The following TENM3 variants were observed in gnomAD, a reference collection of about 807,000 sequenced individuals.
TENM3 encodes the protein teneurin-3.
Under a neutral mutation model 255.1 loss-of-function variants are expected in TENM3, and 63 were observed. That is an observed-to-expected ratio of 0.25 (90% CI 0.20 to 0.30). TENM3 has a LOEUF of 0.30. TENM3 is among the 10% of genes least tolerant of loss of function. The pLI is 1.00. For missense variants in TENM3, 2,929 were observed against 3,461.1 expected (o/e 0.85, Z 3.86); for synonymous variants, 1,306 against 1,322.3 (o/e 0.99, Z 0.27).
the TENM3 span, among the ~76,000 whole-genome samples, chr4:181,859,242 C>CAAAAAA: frequency 1.2e-4 from 10 of 84,134 alleles, no homozygotes; most frequent in African/African-American, 1.4e-4. Flanking sequence ...GACTCGGTCT[C>CAAAAAA]AAAAAAAAAA....
At chr4:181,907,422 T>C in the TENM3 span, among the ~76,000 whole-genome samples, 1 of 152,018 alleles carries the variant, frequency 6.6e-6, no homozygotes, top group Admixed American at 6.6e-5. Context: ...TTCTATGAAA[T>C]CTCCCAAGAT....
At chr4:182,616,436 TG>T (rs1451230828) in intron 4 of TENM3, among the ~76,000 whole-genome samples, 3 of 146,064 alleles carry the variant, frequency 2.1e-5, no homozygotes, top group African/African-American at 7.7e-5. Flanking sequence ...GACGAGTTAG[TG>T]GGTGCAGCGC....
At chr4:182,787,974 G>T (rs1765810463) in intron 24 of TENM3, among the ~76,000 whole-genome samples, 1 of 152,036 alleles carries the variant, frequency 6.6e-6, no homozygotes. Context: ...AATGCAAAAG[G>T]CAGTTTTATT....
chr4:181,948,124 G>A, the TENM3 span, among the ~76,000 whole-genome samples: 1 of 152,152 alleles, frequency 6.6e-6, no homozygotes, highest in East Asian at 1.9e-4. Context: ...AACTATAACC[G>A]GTACCACTGA....
chr4:181,653,703 T>G, the TENM3 span, among the ~76,000 whole-genome samples: 2 of 150,040 alleles, frequency 1.3e-5, no homozygotes, highest in African/African-American at 4.9e-5. Context: ...AGACCAGCTT[T>G]TTTTTTTTTT....
chr4:182,195,023 TCACACACACACACACACACA>T lies in TENM3; in HGVS notation c.-76+50295_-76+50314del, dbSNP rs70954299. On this transcript the variant is annotated intron_variant, in intron 1 of 2. Transcript: ENST00000512480. The stretch of plus-strand genomic sequence containing the variant: ...AAATAAGTGACCAACACAGTCTCTA[TCACACACACACACACACACA>T]CACACACACACACACACACACACAC... Among the ~76,000 whole-genome samples, 6 of 147,090 alleles carry T rather than the reference TCACACACACACACACACACA, an allele frequency of 4.1e-5. No individual in the cohort carries two copies. In the South Asian group the frequency reaches 6.5e-4, roughly 16 times the overall value.
At chr4:181,811,337 C>T in the TENM3 span, among the ~76,000 whole-genome samples, 88 of 152,266 alleles carry the variant, frequency 5.8e-4, no homozygotes, top group African/African-American at 1.9e-3. Context: ...ATCCAAAAAT[C>T]CATCATGTAT....
At chr4:182,185,856 C>T (rs996614967) in intron 1 of TENM3, among the ~76,000 whole-genome samples, 8 of 152,138 alleles carry the variant, frequency 5.3e-5, no homozygotes, top group Admixed American at 1.3e-4. Context: ...AATGAAACAG[C>T]GGTTGTACAT....
At chr4:181,633,880 T>C in the TENM3 span, among the ~76,000 whole-genome samples, 4 of 152,368 alleles carry the variant, frequency 2.6e-5, no homozygotes, top group East Asian at 7.7e-4. Flanking sequence ...AACAAACTAA[T>C]GTTCTTTATC....
At chr4:181,953,545 G>T in the TENM3 span, among the ~76,000 whole-genome samples, 1 of 152,008 alleles carries the variant, frequency 6.6e-6, no homozygotes, top group African/African-American at 2.4e-5. Flanking sequence ...GCTTGAGGTA[G>T]GTGGTGGGTG....
the TENM3 span, among the ~76,000 whole-genome samples, chr4:181,917,309 G>T: frequency 6.6e-6 from 1 of 152,166 alleles, no homozygotes; most frequent in African/African-American, 2.4e-5. Context: ...AAAAGGGATC[G>T]ATAGAAACAG....
chr4:181,501,775 T>C, the TENM3 span, among the ~76,000 whole-genome samples: 6 of 152,224 alleles, frequency 3.9e-5, no homozygotes, highest in South Asian at 2.1e-4. Context: ...ATTGAATTAA[T>C]TGATTGGACA....
At chr4:182,334,793 T>A (rs192379973) in intron 2 of TENM3, among the ~76,000 whole-genome samples, 32 of 152,204 alleles carry the variant, frequency 2.1e-4, no homozygotes, top group African/African-American at 7.5e-4. Flanking sequence ...CAAAAATAAA[T>A]TAAGATGGAT....
the TENM3 span, among the ~76,000 whole-genome samples, chr4:181,688,946 C>T: frequency 6.6e-6 from 1 of 152,174 alleles, no homozygotes. Flanking sequence ...TCACATTTTC[C>T]CTCAGAGTGA....
At chr4:182,044,183 C>A in the TENM3 span, among the ~76,000 whole-genome samples, 1 of 152,182 alleles carries the variant, frequency 6.6e-6, no homozygotes, top group Non-Finnish European at 1.5e-5. Context: ...CCACCAAGCT[C>A]TTCCAAAAGC....
At chr4:181,836,867 C>T in the TENM3 span, among the ~76,000 whole-genome samples, 8 of 152,216 alleles carry the variant, frequency 5.3e-5, no homozygotes, top group South Asian at 2.1e-4. Flanking sequence ...AAATTGATAC[C>T]TTTAAAATAC....
intron 1 of TENM3, among the ~76,000 whole-genome samples, chr4:182,161,808 T>A (rs545240671): frequency 3.0e-5 from 1 of 33,556 alleles, no homozygotes; most frequent in South Asian, 9.2e-4. Context: ...TATATACACA[T>A]ATATATGTAT....
In TENM3 at chr4:182,761,457, G is replaced by A. The variant is rs537739665; in HGVS notation, c.4892+6198G>A. On this transcript the variant is annotated intron_variant, in intron 22 of 27. Transcript: ENST00000511685. ...AAGAATTAGAGAGGTGTCTTCCACAGGACAAAACTGAGAGGATATCCTTTC... is the reference window on the plus strand; with the variant it reads ...AAGAATTAGAGAGGTGTCTTCCACAAGACAAAACTGAGAGGATATCCTTTC... Among the ~76,000 whole-genome samples, 207 of 152,060 alleles carry A rather than the reference G, an allele frequency of 1.4e-3. 1 individual carries two copies. The highest frequency in any genetic ancestry group is 4.8e-3 in the African/African-American group (200 of 41,480).
intron 6 of TENM3, among the ~76,000 whole-genome samples, chr4:182,671,577 C>T (rs1335195875): frequency 1.3e-5 from 2 of 152,192 alleles, no homozygotes; most frequent in Non-Finnish European, 2.9e-5. Context: ...TGGGTGTTGT[C>T]TCCCCACCCA....
Sources: allele counts gnomAD v4.1 joint callset (sites outside exome capture counted in the v4.1 genomes callset), GRCh38; gene constraint gnomAD v4.1.1; transcripts MANE v1.5; gene names NCBI Gene and HGNC (gene_info 2026-07-23, HGNC 2026-07-21).